The following PDE7B variants were observed in gnomAD, a reference collection of about 807,000 sequenced individuals.
The protein encoded by PDE7B is 3',5'-cyclic-AMP phosphodiesterase 7B.
A neutral mutation model predicts 56.2 loss-of-function variants in PDE7B; 29 were observed. That is an observed-to-expected ratio of 0.52 (90% CI 0.38 to 0.70). PDE7B has a LOEUF of 0.70. Ranked by LOEUF, PDE7B falls within the 30% of genes least tolerant of loss-of-function variation. PDE7B has a pLI of 0.00. For missense variants in PDE7B, 490 were observed against 565.0 expected (o/e 0.87, Z 1.35); for synonymous variants, 197 against 196.9 (o/e 1.00, Z 0.00).
At chr6:135,983,488 A>G (rs1369710883) in intron 2 of PDE7B, among the ~76,000 whole-genome samples, 2 of 152,238 alleles carry the variant, frequency 1.3e-5, no homozygotes, top group Non-Finnish European at 2.9e-5. Flanking sequence ...GATGGGCAGT[A>G]TCGAGTACTT....
At chr6:136,031,202 C>A (rs901741294) in intron 2 of PDE7B, among the ~76,000 whole-genome samples, 10 of 152,188 alleles carry the variant, frequency 6.6e-5, no homozygotes, top group African/African-American at 2.2e-4. Flanking sequence ...GGCATAAAAT[C>A]CTTGCCACAT....
intron 1 of PDE7B, among the ~76,000 whole-genome samples, chr6:135,879,298 TACAA>T (rs1218474306): frequency 2.0e-5 from 3 of 152,124 alleles, no homozygotes; most frequent in Non-Finnish European, 4.4e-5. Context: ...TTTTCCCCTC[TACAA>T]ACAAACAAGG....
chr6:136,088,245 AG>A (rs1261381464), intron 2 of PDE7B, among the ~76,000 whole-genome samples: 1 of 152,224 alleles, frequency 6.6e-6, no homozygotes, highest in African/African-American at 2.4e-5. Context: ...TCTGAGTTGT[AG>A]CAGGTTATAA....
intron 2 of PDE7B, among the ~76,000 whole-genome samples, chr6:136,042,563 A>T (rs1776430779): frequency 1.3e-5 from 2 of 152,192 alleles, no homozygotes; most frequent in South Asian, 4.1e-4. Context: ...CAAAGAAAGA[A>T]ACTCATCTTC....
rs374746344 is a variant in PDE7B, at chr6:136,019,596, G to A, written c.82+72072G>A. ...GCAATACAGTTGATCCTTGAATAAT[G>A]AGGGGGTTAGGAGAACCAGCCTCTG... On this transcript the variant is annotated intron_variant, in intron 2 of 12. Coordinates refer to ENST00000308191, the MANE Select transcript of PDE7B (RefSeq NM_018945.4). Among the ~76,000 whole-genome samples the A allele has an allele frequency of 9.2e-5, 14 of 152,256 alleles. 1 individual carries two copies. Among genetic ancestry groups the A allele is most frequent in the Admixed American group, 5.2e-4 (8 of 15,288 alleles).
intron 2 of PDE7B, among the ~76,000 whole-genome samples, chr6:136,009,658 G>A (rs142007044): frequency 4.7e-4 from 72 of 152,258 alleles, no homozygotes; most frequent in East Asian, 4.2e-3. Context: ...GTATAAGAAT[G>A]CTTGTGATTT....
At chr6:136,103,375 G>C (rs1777595707) in intron 2 of PDE7B, among the ~76,000 whole-genome samples, 1 of 152,178 alleles carries the variant, frequency 6.6e-6, no homozygotes, top group Non-Finnish European at 1.5e-5. Context: ...TGATTAAATT[G>C]CACAACCTTC....
chr6:135,993,569 A>G (rs1775510424), intron 2 of PDE7B, among the ~76,000 whole-genome samples: 1 of 152,172 alleles, frequency 6.6e-6, no homozygotes, highest in African/African-American at 2.4e-5. Context: ...TAAACTAGGT[A>G]AAAAGAGCAT....
intron 11 of PDE7B, among the ~76,000 whole-genome samples, chr6:136,186,825 C>T (rs902582022): frequency 5.9e-5 from 9 of 152,164 alleles, no homozygotes; most frequent in African/African-American, 1.4e-4. Context: ...CCATTATGAA[C>T]GGTCATTGGC....
chr6:135,906,810 G>GTTTT lies in PDE7B; in HGVS notation c.22-40631_22-40628dup, dbSNP rs869049424. Among the ~76,000 whole-genome samples the GTTTT allele has an allele frequency of 7.1e-3, 425 of 59,540 alleles. 87 individuals are homozygous for GTTTT. Among genetic ancestry groups the GTTTT allele is most frequent in the East Asian group, 0.037 (68 of 1,858 alleles). 39.1% of individuals were successfully genotyped at this position (59,540 alleles called of 152,430 possible). A position where few individuals can be genotyped will look rare whatever the true frequency, so the allele number is the denominator to read the frequency against. On this transcript the variant is annotated intron_variant, in intron 1 of 12. Transcript: ENST00000308191. ...TTTGACTCAAATGTTAATGAGGTTT[G>GTTTT]TTTTTTTTTTTTTTTTTTTTTTTTT... is the stretch of plus-strand genomic sequence containing the variant.
intron 3 of PDE7B, among the ~76,000 whole-genome samples, chr6:136,120,013 C>T (rs1777904343): frequency 6.6e-6 from 1 of 152,134 alleles, no homozygotes; most frequent in South Asian, 2.1e-4. Context: ...TTCCTCCGGG[C>T]TAGAAAAGAC....
chr6:136,097,434 G>A (rs1444875842), intron 2 of PDE7B, among the ~76,000 whole-genome samples: 1 of 151,926 alleles, frequency 6.6e-6, no homozygotes, highest in Non-Finnish European at 1.5e-5. Flanking sequence ...TACCATGTCA[G>A]TTTTACCTCC....
At chr6:136,130,868 G>C (rs577987352) in intron 3 of PDE7B, among the ~76,000 whole-genome samples, 26 of 152,212 alleles carry the variant, frequency 1.7e-4, no homozygotes, top group Non-Finnish European at 3.2e-4. Flanking sequence ...TGAGAGCCAA[G>C]TGAAAGGGGT....
rs115334604 is a variant in PDE7B, at chr6:136,104,724, A to C, written c.83-4007A>C. Among the ~76,000 whole-genome samples the C allele has an allele frequency of 2.4e-3, 361 of 152,282 alleles. 1 individual carries two copies. The highest frequency in any genetic ancestry group is 7.6e-3 in the African/African-American group (317 of 41,566). ...GTATTGAACTGTTTTCATGTTGTGA[A>C]ATTTCTCAGATGCATTGTTAGCATA... On this transcript the variant is annotated intron_variant, in intron 2 of 12. Coordinates refer to ENST00000308191, the MANE Select transcript of PDE7B (RefSeq NM_018945.4).
At chr6:136,142,259 G>A (rs1016705463) in intron 3 of PDE7B, among the ~76,000 whole-genome samples, 3 of 152,188 alleles carry the variant, frequency 2.0e-5, no homozygotes, top group Non-Finnish European at 4.4e-5. Context: ...ATGTAGTTGA[G>A]CAGTTTGGAG....
At position 136,157,323 on chromosome 6, in the gene PDE7B, G is replaced by A. The variant is rs149079075; in HGVS notation, c.711+1565G>A. 2.8e-3 allele frequency among the ~76,000 whole-genome samples: 433 copies of A among 152,312 alleles called. 1 individual carries two copies. Among genetic ancestry groups the A allele is most frequent in the Non-Finnish European group, 4.5e-3 (305 of 68,022 alleles). On this transcript the variant is annotated intron_variant, in intron 8 of 12. Coordinates refer to ENST00000308191, the MANE Select transcript of PDE7B (RefSeq NM_018945.4). ...AGGCCTGGTGCAGTGGTTCACACCT[G>A]TAATCTCAGCACTTTGGGAGGCTGA... is the stretch of plus-strand genomic sequence containing the variant.
At chr6:135,895,516 C>A (rs1775885013) in intron 1 of PDE7B, among the ~76,000 whole-genome samples, 1 of 152,122 alleles carries the variant, frequency 6.6e-6, no homozygotes, top group Non-Finnish European at 1.5e-5. Context: ...CGCTCCTTCT[C>A]AACATCCCCA....
At chr6:135,967,227 ATC>A (rs1366651579) in intron 2 of PDE7B, among the ~76,000 whole-genome samples, 3 of 152,126 alleles carry the variant, frequency 2.0e-5, no homozygotes, top group African/African-American at 4.8e-5. Flanking sequence ...GTACACCATA[ATC>A]TCTCTCTGTC....
intron 3 of PDE7B, among the ~76,000 whole-genome samples, chr6:136,126,440 T>A (rs545818424): frequency 1.1e-4 from 16 of 152,314 alleles, no homozygotes; most frequent in African/African-American, 2.9e-4. Context: ...GATCCAGCAA[T>A]CCCACTCCTG....
Sources: gnomAD v4.1 joint callset for allele counts (sites outside exome capture counted in the v4.1 genomes callset) on GRCh38, gnomAD v4.1.1 for gene constraint, MANE v1.5 for transcripts, NCBI Gene and HGNC (gene_info 2026-07-23, HGNC 2026-07-21) for gene names.